Variants in EIF4G3 observed in about 807,000 individuals in gnomAD.
EIF4G3 encodes the protein eukaryotic translation initiation factor 4 gamma 3.
Under a neutral mutation model 186.4 loss-of-function variants are expected in EIF4G3, and 34 were observed. The ratio of observed to expected loss-of-function variants is 0.18; its 90% CI spans 0.14 to 0.24. The LOEUF (loss-of-function observed/expected upper bound fraction) is 0.24, where lower values mean the gene tolerates loss of function less well. Among genes scored for constraint, EIF4G3 ranks in the 10% least tolerant of loss-of-function variants. The pLI is 1.00. For missense variants in EIF4G3, 1,536 were observed against 1,948.5 expected (o/e 0.79, Z 3.99); for synonymous variants, 673 against 679.5 (o/e 0.99, Z 0.15).
At chr1:20,927,207 C>G (rs1192773593) in intron 14 of EIF4G3, among the ~76,000 whole-genome samples, 1 of 151,798 alleles carries the variant, frequency 6.6e-6, no homozygotes, top group South Asian at 2.1e-4. Flanking sequence ...CCACACCCAG[C>G]TAACTGAATT....
chr1:20,810,901 A>T lies in EIF4G3; in HGVS notation c.4598-17T>A. 6.2e-7 allele frequency: 1 copy of T among 1,602,692 alleles called. No homozygotes were observed. On this transcript the variant is annotated splice_polypyrimidine_tract_variant and intron_variant, in intron 35 of 36. Transcript: ENST00000602326. This position sits in a 1 kb window ranked among gnomAD's most constrained non-coding sequence, Gnocchi z 4.1. Reference sequence around the variant, plus strand: ...AAGAGTCGGCTAAAGGTGATAGAAGAACTAGGAATTACATTTAAGGAGTTA... The same window carrying T: ...AAGAGTCGGCTAAAGGTGATAGAAGTACTAGGAATTACATTTAAGGAGTTA...
intron 2 of EIF4G3, among the ~76,000 whole-genome samples, chr1:21,168,975 C>T (rs1001954010): frequency 1.3e-5 from 2 of 151,994 alleles, no homozygotes; most frequent in Non-Finnish European, 2.9e-5. Flanking sequence ...CCCAAGAGTT[C>T]GAGACCAGCC....
At chr1:20,989,661 T>C (rs952940094) in intron 7 of EIF4G3, among the ~76,000 whole-genome samples, 1 of 150,262 alleles carries the variant, frequency 6.7e-6, no homozygotes, top group African/African-American at 2.5e-5. Context: ...TGGCTTCATA[T>C]GGAGGAGCAA....
At chr1:20,911,766 T>C (rs2093263991) in intron 14 of EIF4G3, among the ~76,000 whole-genome samples, 1 of 151,876 alleles carries the variant, frequency 6.6e-6, no homozygotes, top group Non-Finnish European at 1.5e-5. Flanking sequence ...GAGTTTAACA[T>C]TTTTTCTATT....
In EIF4G3 at chr1:20,813,872, A is replaced by C. The variant is rs141441319; in HGVS notation, c.4516-633T>G. The stretch of plus-strand genomic sequence containing the variant: ...AAAACAAAAAACAAAAAACAAAAAA[A>C]GATACCCTTGCGTATCAGATAAATG... On this transcript the variant is annotated intron_variant, in intron 34 of 36. Transcript: ENST00000602326. Among the ~76,000 whole-genome samples, 120 of 152,004 alleles carry C rather than the reference A, an allele frequency of 7.9e-4. No individual in the cohort carries two copies. The East Asian group carries it at 0.023, about 29-fold the overall frequency.
intron 34 of EIF4G3, 104 bp downstream of exon 34, chr1:20,817,288 A>AT (rs1491506589): frequency 0.028 from 11,302 of 404,414 alleles, 451 homozygotes; most frequent in East Asian, 0.16. Flanking sequence ...AAAAAAAAAT[A>AT]AAAATAAAAA....
intron 19 of EIF4G3, among the ~76,000 whole-genome samples, chr1:20,879,750 C>T (rs556626961): frequency 6.6e-6 from 1 of 152,064 alleles, no homozygotes; most frequent in Admixed American, 6.6e-5. Context: ...ACACACTTAG[C>T]TGGTGGGAGC....
intron 3 of EIF4G3, among the ~76,000 whole-genome samples, chr1:21,065,793 T>C (rs757729571): frequency 6.3e-4 from 96 of 152,186 alleles, no homozygotes; most frequent in Non-Finnish European, 1.3e-3. Flanking sequence ...TGTTTAATTA[T>C]TTACAAATAT....
At chr1:20,937,476 A>G (rs1220567731) in intron 14 of EIF4G3, among the ~76,000 whole-genome samples, 1 of 152,222 alleles carries the variant, frequency 6.6e-6, no homozygotes, top group African/African-American at 2.4e-5. Flanking sequence ...ATCTACATCC[A>G]GGAAAATTTA....
At chr1:21,161,107 G>A (rs1006429250) in intron 2 of EIF4G3, among the ~76,000 whole-genome samples, 1 of 152,070 alleles carries the variant, frequency 6.6e-6, no homozygotes, top group Admixed American at 6.6e-5. Context: ...GGAGGCAGAG[G>A]CTGCAGTGAG....
intron 11 of EIF4G3, among the ~76,000 whole-genome samples, chr1:20,971,175 A>C (rs2075818163): frequency 6.6e-6 from 1 of 152,174 alleles, no homozygotes; most frequent in South Asian, 2.1e-4. Context: ...GAGAGTGCTA[A>C]GATATAAAGG....
intron 14 of EIF4G3, among the ~76,000 whole-genome samples, chr1:20,916,355 G>C (rs997287352): frequency 5.3e-5 from 8 of 151,908 alleles, no homozygotes; most frequent in African/African-American, 1.9e-4. Flanking sequence ...GCTGAGGCAG[G>C]AGAATGGCAT....
chr1:20,886,079 A>T, intron 19 of EIF4G3, 122 bp downstream of exon 19: 1 of 1,214,302 alleles, frequency 8.2e-7, no homozygotes, highest in African/African-American at 1.5e-5. Context: ...TAATTCTTTT[A>T]ATAGGAAAAT....
At position 20,941,667 on chromosome 1, in the gene EIF4G3, C is replaced by T. The variant is rs767922792; in HGVS notation, c.1487G>A (p.Ser496Asn). The stretch of plus-strand genomic sequence containing the variant: ...GACTGTGATGGCAGCACTCGGAGAA[C>T]TAACAGTAGTGGCAGCAGCAGGAAC... ...VIVPAAATTV[S>N]SPSAAITVQR... is the part of the protein sequence containing the mutation. Residue 496 changes from serine to asparagine, a missense_variant, in exon 14 of 37, where the codon AGT (serine) becomes AAT (asparagine). This residue lies in a region of EIF4G3 where 560 missense variants were observed against 547.8 expected (regional missense o/e 1.02). Coordinates refer to ENST00000602326, the MANE Select transcript of EIF4G3 (RefSeq NM_001391906.1). The T allele has an allele frequency of 1.2e-6, 2 of 1,613,502 alleles. No individual in the cohort carries two copies. Among genetic ancestry groups the T allele is most frequent in the African/African-American group, 2.7e-5 (2 of 74,864 alleles).
At chr1:21,069,587 C>A (rs1318055419) in intron 3 of EIF4G3, among the ~76,000 whole-genome samples, 1 of 152,174 alleles carries the variant, frequency 6.6e-6, no homozygotes, top group Non-Finnish European at 1.5e-5. Context: ...AATGTTTAGT[C>A]CCCTGGAAAA....
chr1:20,999,513 G>A (rs2083030062), intron 6 of EIF4G3, among the ~76,000 whole-genome samples: 1 of 152,152 alleles, frequency 6.6e-6, no homozygotes, highest in Non-Finnish European at 1.5e-5. Context: ...CTGTTCCACA[G>A]AAAATGTCCC....
intron 3 of EIF4G3, among the ~76,000 whole-genome samples, chr1:21,052,550 C>T (rs577511255): frequency 6.6e-6 from 1 of 151,914 alleles, no homozygotes; most frequent in Admixed American, 6.5e-5. Flanking sequence ...CCTCCTCTCC[C>T]TCTCCCTCCT....
intron 34 of EIF4G3, among the ~76,000 whole-genome samples, chr1:20,813,693 C>T (rs2059737157): frequency 2.0e-5 from 3 of 151,532 alleles, no homozygotes; most frequent in Non-Finnish European, 1.5e-5. Flanking sequence ...ATGGTGAAAC[C>T]GTGTCTCTAC....
intron 5 of EIF4G3, among the ~76,000 whole-genome samples, chr1:21,001,976 G>T (rs758722818): frequency 6.6e-6 from 1 of 152,212 alleles, no homozygotes; most frequent in Non-Finnish European, 1.5e-5. Context: ...AGAGGGATGT[G>T]AGATACACAA....
Sources: gnomAD v4.1 joint callset for allele counts (sites outside exome capture counted in the v4.1 genomes callset) on GRCh38, gnomAD v4.1.1 for gene constraint, gnomAD v4.1.1 regional missense constraint, Gnocchi (gnomAD v3.1) non-coding constraint, MANE v1.5 for transcripts, NCBI Gene and HGNC (gene_info 2026-07-23, HGNC 2026-07-21) for gene names.